SNTB1: variants seen among roughly 807,000 people sequenced by gnomAD.
SNTB1 encodes the protein syntrophin beta 1.
Under a neutral mutation model 48.9 loss-of-function variants are expected in SNTB1, and 36 were observed. The observed-to-expected ratio is 0.74, with a 90% confidence interval of 0.56 to 0.97. The LOEUF (loss-of-function observed/expected upper bound fraction) is 0.97, where lower values mean the gene tolerates loss of function less well. SNTB1 is among the 50% of genes least tolerant of loss of function. The pLI is 0.00. For missense variants in SNTB1, 786 were observed against 703.4 expected (o/e 1.12, Z -1.33); for synonymous variants, 299 against 294.6 (o/e 1.01, Z -0.15).
chr8:120,772,681 C>T (rs1000499124), intron 1 of SNTB1, among the ~76,000 whole-genome samples: 4 of 152,148 alleles, frequency 2.6e-5, no homozygotes, highest in Non-Finnish European at 5.9e-5. Context: ...TGAGGAACAA[C>T]CCACACTGTA....
chr8:120,611,648 C>A (rs563333265), intron 3 of SNTB1, among the ~76,000 whole-genome samples: 9 of 151,754 alleles, frequency 5.9e-5, no homozygotes, highest in African/African-American at 2.2e-4. Context: ...CGGTGAAACC[C>A]CATTACTACT....
At chr8:120,581,088 C>CAA (rs775547135) in intron 3 of SNTB1, among the ~76,000 whole-genome samples, 1,833 of 89,792 alleles carry the variant, frequency 0.02, 58 homozygotes, top group African/African-American at 0.065. Context: ...GACCCTGTCT[C>CAA]AAAAAAAAAA....
chr8:120,774,244 T>C (rs1283255503), intron 1 of SNTB1, among the ~76,000 whole-genome samples: 1 of 152,148 alleles, frequency 6.6e-6, no homozygotes, highest in Non-Finnish European at 1.5e-5. Flanking sequence ...GGTGGTGTGA[T>C]TAACTGGAGA....
intron 1 of SNTB1, among the ~76,000 whole-genome samples, chr8:120,800,340 G>T (rs190348959): frequency 6.6e-6 from 1 of 152,118 alleles, no homozygotes; most frequent in South Asian, 2.1e-4. Context: ...ACTCTGGAAA[G>T]TGCTGAAGGA....
At chr8:120,694,786 G>A (rs1051780016) in intron 1 of SNTB1, among the ~76,000 whole-genome samples, 2 of 151,938 alleles carry the variant, frequency 1.3e-5, no homozygotes, top group Non-Finnish European at 2.9e-5. Context: ...AGTTAGCTGT[G>A]GGAAGTGGAA....
chr8:120,617,498 T>C (rs1219387385), intron 3 of SNTB1, among the ~76,000 whole-genome samples: 1 of 152,180 alleles, frequency 6.6e-6, no homozygotes, highest in Non-Finnish European at 1.5e-5. Context: ...AAATACTGGG[T>C]GAAGACTGAA....
chr8:120,811,022 T>C (rs1029732240), intron 1 of SNTB1, among the ~76,000 whole-genome samples: 3 of 152,100 alleles, frequency 2.0e-5, no homozygotes, highest in African/African-American at 7.2e-5. Flanking sequence ...CGCTTTTCCA[T>C]ACACCCCTCC....
At chr8:120,692,555 T>C (rs1191570452) in intron 2 of SNTB1, among the ~76,000 whole-genome samples, 1 of 152,178 alleles carries the variant, frequency 6.6e-6, no homozygotes, top group Non-Finnish European at 1.5e-5. Flanking sequence ...TGAGGGACCC[T>C]GAATTTTACT....
intron 1 of SNTB1, among the ~76,000 whole-genome samples, chr8:120,711,549 G>A (rs1818464662): frequency 6.6e-6 from 1 of 152,176 alleles, no homozygotes; most frequent in Non-Finnish European, 1.5e-5. Context: ...TAGCTGTGCA[G>A]GCCGTCAGGT....
chr8:120,790,093 G>A (rs1044522873), intron 1 of SNTB1, among the ~76,000 whole-genome samples: 18 of 151,830 alleles, frequency 1.2e-4, no homozygotes, highest in African/African-American at 3.9e-4. Flanking sequence ...ACATGTGAAA[G>A]TCAATAAATG....
chr8:120,802,279 T>C (rs1820242253), intron 1 of SNTB1, among the ~76,000 whole-genome samples: 1 of 152,164 alleles, frequency 6.6e-6, no homozygotes, highest in South Asian at 2.1e-4. Context: ...CACATTTCCA[T>C]AATTACTGGA....
intron 3 of SNTB1, among the ~76,000 whole-genome samples, chr8:120,592,115 G>T (rs1816248347): frequency 6.6e-6 from 1 of 152,042 alleles, no homozygotes; most frequent in African/African-American, 2.4e-5. Flanking sequence ...GTATGAAAAA[G>T]GCTAAAAGCT....
chr8:120,731,212 G>A (rs970142317), intron 1 of SNTB1, among the ~76,000 whole-genome samples: 6 of 152,206 alleles, frequency 3.9e-5, no homozygotes, highest in Admixed American at 6.5e-5. Context: ...ATAAACTGCC[G>A]TTTTATAAAT....
At chr8:120,574,764 A>C (rs1478031280) in intron 4 of SNTB1, among the ~76,000 whole-genome samples, 1 of 152,160 alleles carries the variant, frequency 6.6e-6, no homozygotes, top group African/African-American at 2.4e-5. Flanking sequence ...CTTGGACTTC[A>C]AGACTATAAA....
chr8:120,730,797 T>G (rs909843974), intron 1 of SNTB1, among the ~76,000 whole-genome samples: 1 of 152,164 alleles, frequency 6.6e-6, no homozygotes, highest in African/African-American at 2.4e-5. Flanking sequence ...GGAGAGAGTT[T>G]AGCACAGTGC....
intron 1 of SNTB1, among the ~76,000 whole-genome samples, chr8:120,805,397 AG>A (rs1415769054): frequency 6.6e-6 from 1 of 152,218 alleles, no homozygotes; most frequent in Non-Finnish European, 1.5e-5. Flanking sequence ...AGTAATCACA[AG>A]GGTCCTTAAA....
At chr8:120,604,317 G>C (rs905223277) in intron 3 of SNTB1, among the ~76,000 whole-genome samples, 5 of 152,044 alleles carry the variant, frequency 3.3e-5, no homozygotes, top group Admixed American at 3.3e-4. Context: ...CTGAATACCT[G>C]AATCTCCATC....
intron 2 of SNTB1, among the ~76,000 whole-genome samples, chr8:120,634,037 C>A (rs1817027020): frequency 6.6e-6 from 1 of 152,110 alleles, no homozygotes; most frequent in Non-Finnish European, 1.5e-5. Flanking sequence ...CGCAACTACC[C>A]CTTTTTAGTC....
At chr8:120,634,069 A>G (rs553164732) in intron 2 of SNTB1, among the ~76,000 whole-genome samples, 1 of 152,168 alleles carries the variant, frequency 6.6e-6, no homozygotes, top group East Asian at 1.9e-4. Context: ...CACACCCACC[A>G]CTATCCCAAA....
Sources: allele counts gnomAD v4.1 joint callset (sites outside exome capture counted in the v4.1 genomes callset), GRCh38; gene constraint gnomAD v4.1.1; transcripts MANE v1.5; gene names NCBI Gene and HGNC (gene_info 2026-07-23, HGNC 2026-07-21).